The following KLHL13 variants were observed in gnomAD, a reference collection of about 807,000 sequenced individuals.
KLHL13 encodes the protein kelch-like protein 13.
A neutral mutation model predicts 37.1 loss-of-function variants in KLHL13; 10 were observed. The observed-to-expected ratio is 0.27, with a 90% CI of 0.17 to 0.46. The LOEUF (loss-of-function observed/expected upper bound fraction) is 0.46, where lower values mean the gene tolerates loss of function less well. KLHL13 is among the 20% of genes least tolerant of loss of function. KLHL13 has a pLI of 1.00. For synonymous variants in KLHL13, 163 were observed against 181.2 expected, an observed-to-expected ratio of 0.90 and a Z score of 0.81; for missense variants, 360 against 509.3, an observed-to-expected ratio of 0.71 and a Z score of 2.82.
At chrX:118,075,114 G>T (rs1383501382) in intron 1 of KLHL13, among the ~76,000 whole-genome samples, 4 of 111,432 alleles carry the variant, frequency 3.6e-5, no homozygotes, top group African/African-American at 1.3e-4. Context: ...TTTAGTCTTT[G>T]TTAGACAACA....
chrX:117,945,642 TAGAA>T, intron 1 of KLHL13, 67 bp from the exon 3 acceptor site: 1 of 966,421 alleles, frequency 1.0e-6, no homozygotes, highest in Non-Finnish European at 1.4e-6. Context: ...TGAGATTATT[TAGAA>T]AAATAATCAG....
In KLHL13 at chrX:117,909,300, C is replaced by T. The variant is rs1337742817; in HGVS notation, c.1366+1G>A. ...TCTATGCTTAATATAAATGCACTTA[C>T]GCAGTTCACCTGCTGCATTTCGCCC... On this transcript the variant is annotated splice_donor_variant, in intron 5 of 6. Coordinates refer to ENST00000262820, the Ensembl canonical transcript of KLHL13. LOFTEE classifies it high-confidence loss of function. 3.4e-6 allele frequency: 4 copies of T among 1,166,643 alleles called. No individual in the cohort carries two copies. Among genetic ancestry groups the T allele is most frequent in the Admixed American group, 2.5e-5 (1 of 39,934 alleles).
intron 1 of KLHL13, among the ~76,000 whole-genome samples, chrX:117,954,001 A>G (rs1322859145): frequency 8.9e-6 from 1 of 111,808 alleles, no homozygotes; most frequent in East Asian, 2.8e-4. Context: ...ATCAACATTT[A>G]AAAGAACACA....
At chrX:118,040,424 T>C (rs2054495013) in intron 1 of KLHL13, among the ~76,000 whole-genome samples, 1 of 111,202 alleles carries the variant, frequency 9.0e-6, no homozygotes, top group South Asian at 3.8e-4. Context: ...AATGACATAC[T>C]GAAGAATGAG....
intron 1 of KLHL13, among the ~76,000 whole-genome samples, chrX:118,040,603 A>C (rs767765968): frequency 3.6e-5 from 4 of 112,240 alleles, no homozygotes; most frequent in African/African-American, 9.7e-5. Flanking sequence ...TATTGGCATT[A>C]AAGAAGTGGT....
intron 1 of KLHL13, among the ~76,000 whole-genome samples, chrX:118,089,398 C>G (rs2055091769): frequency 9.2e-6 from 1 of 108,858 alleles, no homozygotes; most frequent in South Asian, 4.0e-4. Flanking sequence ...CCCTCACCCA[C>G]CAGTAAGGAA....
chrX:118,041,644 T>C (rs1012679011), intron 1 of KLHL13, among the ~76,000 whole-genome samples: 1 of 112,147 alleles, frequency 8.9e-6, no homozygotes, highest in Non-Finnish European at 1.9e-5. Flanking sequence ...TATTTACACA[T>C]TCAGTATTAA....
At chrX:117,950,481 A>G (rs947127664) in intron 1 of KLHL13, among the ~76,000 whole-genome samples, 2 of 111,758 alleles carry the variant, frequency 1.8e-5, no homozygotes, top group Non-Finnish European at 3.8e-5. Context: ...AAAGGAAAAG[A>G]AAAAAAAGAA....
chrX:118,064,390 T>C (rs2054774262), intron 1 of KLHL13, among the ~76,000 whole-genome samples: 1 of 111,511 alleles, frequency 9.0e-6, no homozygotes. Flanking sequence ...TTCCCTCCAA[T>C]TCCCAATTTA....
chrX:117,974,774 T>C (rs12392581), upstream of KLHL13, among the ~76,000 whole-genome samples: 6,937 of 111,360 alleles, frequency 0.062, 527 homozygotes, highest in African/African-American at 0.21. Flanking sequence ...TTTTGAAAGA[T>C]TGACAAGTAA....
At chrX:117,992,762 C>G (rs2053809497) in intron 1 of KLHL13, among the ~76,000 whole-genome samples, 1 of 111,631 alleles carries the variant, frequency 9.0e-6, no homozygotes, top group Admixed American at 9.5e-5. Flanking sequence ...CCAGCACTCC[C>G]CTTTTCTTTC....
intron 4 of KLHL13, among the ~76,000 whole-genome samples, chrX:117,916,530 C>A (rs929510143): frequency 2.4e-4 from 27 of 112,232 alleles, no homozygotes; most frequent in African/African-American, 7.4e-4. Flanking sequence ...CACTGATGCT[C>A]TGTTATAGAA....
At chrX:117,899,913 A>G (rs1263564575) in intron 6 of KLHL13, among the ~76,000 whole-genome samples, 1 of 112,562 alleles carries the variant, frequency 8.9e-6, no homozygotes, top group Non-Finnish European at 1.9e-5. Flanking sequence ...AATGCTTTGA[A>G]AAAGTTGAAA....
At position 117,956,808 on chromosome X, in the gene KLHL13, C is replaced by T. The variant is rs766270896; in HGVS notation, c.99-11233G>A. ...TAGTCGGAAAATGCTACTACCCTCACTCACTCCATCTCCATGAGATACTTG... is the reference window on the plus strand; with the variant it reads ...TAGTCGGAAAATGCTACTACCCTCATTCACTCCATCTCCATGAGATACTTG... On this transcript the variant is annotated intron_variant, in intron 1 of 6. Coordinates refer to ENST00000262820, the Ensembl canonical transcript of KLHL13. Among the ~76,000 whole-genome samples the T allele has an allele frequency of 2.7e-5, 3 of 111,626 alleles. No individual in the cohort carries two copies. The South Asian group carries it at 1.1e-3, about 42-fold the overall frequency.
chrX:117,912,165 G>A (rs759272799), intron 4 of KLHL13, among the ~76,000 whole-genome samples: 4 of 111,889 alleles, frequency 3.6e-5, no homozygotes, highest in African/African-American at 9.7e-5. Context: ...CCCAAGACAA[G>A]TAAGAATTAT....
intron 1 of KLHL13, among the ~76,000 whole-genome samples, chrX:118,037,777 A>G (rs5956862): frequency 0.16 from 17,267 of 111,139 alleles, 1,819 homozygotes; most frequent in African/African-American, 0.38. Context: ...AAATTAGCAC[A>G]GCTCCAATAT....
intron 1 of KLHL13, among the ~76,000 whole-genome samples, chrX:118,042,569 A>G (rs1569301242): frequency 8.9e-6 from 1 of 112,123 alleles, no homozygotes; most frequent in Non-Finnish European, 1.9e-5. Flanking sequence ...GAAACTGTAC[A>G]AACACATGAA....
At chrX:117,901,565 C>T (rs1470280408) in intron 6 of KLHL13, among the ~76,000 whole-genome samples, 1 of 106,206 alleles carries the variant, frequency 9.4e-6, no homozygotes, top group Non-Finnish European at 1.9e-5. Flanking sequence ...AGTACAGTGG[C>T]GCAATCTCGG....
chrX:118,054,391 G>T (rs1174867906), intron 1 of KLHL13, among the ~76,000 whole-genome samples: 1 of 110,970 alleles, frequency 9.0e-6, no homozygotes, highest in Non-Finnish European at 1.9e-5. Flanking sequence ...AAATCTAGAT[G>T]CAAGCAGCAT....
Sources: allele counts gnomAD v4.1 joint callset (sites outside exome capture counted in the v4.1 genomes callset), GRCh38; gene constraint gnomAD v4.1.1; transcripts MANE v1.5; gene names NCBI Gene and HGNC (gene_info 2026-07-23, HGNC 2026-07-21).